ITGB8: variants seen among roughly 807,000 people sequenced by gnomAD.
ITGB8 encodes integrin beta-8.
A neutral mutation model predicts 89.5 loss-of-function variants in ITGB8; 30 were observed. The ratio of observed to expected loss-of-function variants is 0.34; its 90% CI spans 0.25 to 0.45. ITGB8 has a LOEUF of 0.45. Among genes scored for constraint, ITGB8 ranks in the 20% least tolerant of loss-of-function variants. The pLI is 1.00. For synonymous variants in ITGB8, 335 were observed against 320.4 expected, an observed-to-expected ratio of 1.05 and a Z score of -0.49; for missense variants, 836 against 933.3, an observed-to-expected ratio of 0.90 and a Z score of 1.36.
intron 1 of ITGB8, among the ~76,000 whole-genome samples, chr7:20,336,161 A>G (rs928844197): frequency 7.9e-5 from 12 of 151,014 alleles, no homozygotes; most frequent in African/African-American, 2.9e-4. Flanking sequence ...ACCCGCCACC[A>G]CGCCCGGCTA....
At chr7:20,354,381 A>C (rs757911223) in intron 1 of ITGB8, among the ~76,000 whole-genome samples, 9 of 152,222 alleles carry the variant, frequency 5.9e-5, no homozygotes, top group Non-Finnish European at 1.3e-4. Flanking sequence ...ATTTCTTTTA[A>C]AACTTTACAT....
At chr7:20,360,915 CTT>C (rs1167974755) in intron 1 of ITGB8, among the ~76,000 whole-genome samples, 1,591 of 80,864 alleles carry the variant, frequency 0.02, 19 homozygotes, top group African/African-American at 0.054. Context: ...CAACTGCAGT[CTT>C]TTTTTTTTTT....
At chr7:20,380,014 AC>A (rs1000859874) in intron 4 of ITGB8, 98 of 152,340 alleles carry the variant, frequency 6.4e-4, no homozygotes, top group African/African-American at 2.3e-3. Context: ...TCTTGCTTCT[AC>A]AAATTGCTTA....
intron 7 of ITGB8, among the ~76,000 whole-genome samples, chr7:20,393,968 C>T (rs1353880637): frequency 6.6e-6 from 1 of 152,144 alleles, no homozygotes; most frequent in Non-Finnish European, 1.5e-5. Context: ...CATTTATATG[C>T]TTGTGAGATC....
intron 6 of ITGB8, among the ~76,000 whole-genome samples, chr7:20,388,691 G>A (rs1320647720): frequency 6.6e-6 from 1 of 151,732 alleles, no homozygotes; most frequent in African/African-American, 2.4e-5. Flanking sequence ...GAATGTGCAG[G>A]TTTGTTACCT....
intron 1 of ITGB8, among the ~76,000 whole-genome samples, chr7:20,344,797 T>C (rs925690888): frequency 2.6e-5 from 4 of 152,212 alleles, no homozygotes; most frequent in African/African-American, 9.6e-5. Context: ...AGAGAGCACA[T>C]ACGATGTTTT....
At chr7:20,356,629 C>T (rs866279542) in intron 1 of ITGB8, among the ~76,000 whole-genome samples, 15 of 152,118 alleles carry the variant, frequency 9.9e-5, no homozygotes, top group African/African-American at 3.4e-4. Context: ...GCATTTCTCA[C>T]AAATCATTTT....
At chr7:20,361,999 A>G (rs917858232) in intron 1 of ITGB8, among the ~76,000 whole-genome samples, 3 of 152,208 alleles carry the variant, frequency 2.0e-5, no homozygotes, top group Non-Finnish European at 4.4e-5. Context: ...AGGAGATAAT[A>G]GAACATTAAA....
chr7:20,332,988 G>C (rs1022567762), intron 1 of ITGB8, among the ~76,000 whole-genome samples: 2 of 148,076 alleles, frequency 1.4e-5, no homozygotes, highest in Non-Finnish European at 3.0e-5. Flanking sequence ...AATTATATTA[G>C]AGCCTTTCTC....
chr7:20,359,284 G>A (rs902546817), intron 1 of ITGB8, among the ~76,000 whole-genome samples: 1 of 152,104 alleles, frequency 6.6e-6, no homozygotes, highest in African/African-American at 2.4e-5. Context: ...TCTTCCATTG[G>A]CTTAAGAATT....
rs1420659146 is a variant in ITGB8, at chr7:20,415,609, A to G, written c.*5612A>G. On this transcript the variant is annotated 3_prime_UTR_variant, in exon 14 of 14. Transcript: ENST00000222573. ...TTTATGTATTTATTAAAGAGCTGAC[A>G]CTGTAGTTTGTGGTGAGATGTTTAT... 6.6e-6 allele frequency: 1 copy of G among 152,596 alleles called. No individual in the cohort carries two copies. Among genetic ancestry groups the G allele is most frequent in the African/African-American group, 2.4e-5 (1 of 41,454 alleles). 9.5% of individuals were successfully genotyped at this position (152,596 alleles called of 1,614,324 possible). A position where few individuals can be genotyped will look rare whatever the true frequency, so the allele number is the denominator to read the frequency against.
At chr7:20,387,378 T>C (rs143599776) in intron 6 of ITGB8, among the ~76,000 whole-genome samples, 1 of 152,334 alleles carries the variant, frequency 6.6e-6, no homozygotes, top group East Asian at 1.9e-4. Flanking sequence ...TTTACGAAGT[T>C]AACCTATTTA....
At chr7:20,403,809 T>G (rs1787417529) in intron 10 of ITGB8, among the ~76,000 whole-genome samples, 2 of 151,796 alleles carry the variant, frequency 1.3e-5, no homozygotes, top group African/African-American at 2.4e-5. Flanking sequence ...AAGAGGAAGG[T>G]TGGTTTGTGG....
intron 2 of ITGB8, chr7:20,366,244 G>C (rs1785690534): frequency 6.6e-6 from 1 of 152,100 alleles, no homozygotes; most frequent in Non-Finnish European, 1.5e-5. Context: ...AGAGTGTCAT[G>C]CGTAGTGAGA....
chr7:20,354,393 T>C (rs1785218924), intron 1 of ITGB8, among the ~76,000 whole-genome samples: 1 of 152,214 alleles, frequency 6.6e-6, no homozygotes, highest in South Asian at 2.1e-4. Flanking sequence ...ACTTTACATT[T>C]ATTCTGTTAG....
intron 1 of ITGB8, chr7:20,352,306 T>C (rs1785139948): frequency 6.6e-6 from 1 of 152,198 alleles, no homozygotes; most frequent in South Asian, 2.1e-4. Flanking sequence ...TCTTGAAAAT[T>C]CCCAGCAGGT....
chr7:20,392,334 G>A lies in ITGB8; in HGVS notation c.1056+836G>A, dbSNP rs75116989. ...ATTTCCCCTCAGTGGCCAGTCCCCAGTGCCCTCTACTTATTTTTAAAAACT... is the reference window on the plus strand; with the variant it reads ...ATTTCCCCTCAGTGGCCAGTCCCCAATGCCCTCTACTTATTTTTAAAAACT... On this transcript the variant is annotated intron_variant, in intron 7 of 13. Coordinates refer to ENST00000222573, the MANE Select transcript of ITGB8 (RefSeq NM_002214.3). 3.6e-4 allele frequency among the ~76,000 whole-genome samples: 54 copies of A among 152,086 alleles called. No individual in the cohort carries two copies. The East Asian group carries it at 0.01, about 29-fold the overall frequency.
rs768529387 is a variant in ITGB8 at position 20,406,132 on chromosome 7, G to A, written c.1984G>A (p.Ala662Thr). ...AILDQCKTSC[A>T]LMEQQHYVDQ... The stretch of plus-strand genomic sequence containing the variant: ...ACTTGATCAGTGCAAAACCTCATGT[G>A]CTCTCATGGAACAACAGCATTATGT... Residue 662 changes from alanine (A) to threonine (T), a missense_variant, in exon 12 of 14, where the codon GCT (alanine) becomes ACT (threonine). Coordinates refer to ENST00000222573, the MANE Select transcript of ITGB8 (RefSeq NM_002214.3). 6.8e-6 allele frequency: 11 copies of A among 1,612,972 alleles called. No individual in the cohort carries two copies. The highest frequency in any genetic ancestry group is 6.6e-5 in the South Asian group (6 of 91,048).
intron 11 of ITGB8, 80 bp downstream of exon 11, chr7:20,404,933 C>A: frequency 8.3e-7 from 1 of 1,209,632 alleles, no homozygotes; most frequent in Non-Finnish European, 1.2e-6. Flanking sequence ...TAATCTTAAA[C>A]GTTGCCAGAT....
Sources: allele counts gnomAD v4.1 joint callset (sites outside exome capture counted in the v4.1 genomes callset), GRCh38; gene constraint gnomAD v4.1.1; transcripts MANE v1.5; gene names NCBI Gene and HGNC (gene_info 2026-07-23, HGNC 2026-07-21).